Variants in PIGO observed in about 807,000 individuals in gnomAD.
PIGO encodes GPI ethanolamine phosphate transferase 3, catalytic subunit.
PIGO carries 66 observed loss-of-function variants against 86.9 expected under a neutral mutation model. The observed-to-expected ratio is 0.76, with a 90% CI of 0.62 to 0.93. The LOEUF (loss-of-function observed/expected upper bound fraction) is 0.93. Among genes scored for constraint, PIGO ranks in the 40% least tolerant of loss-of-function variants. The probability of loss-of-function intolerance (pLI) is 0.00; values close to 1 mark genes in which losing one functional copy is unlikely to be tolerated. For missense variants in PIGO, 1,202 were observed against 1,359.1 expected (o/e 0.88, Z 1.82); for synonymous variants, 570 against 556.4 (o/e 1.02, Z -0.34).
Position 35,091,244 on chromosome 9 carries a change from G to A in PIGO, c.2643C>T (p.Thr881=), listed in dbSNP as rs1393732949. 1 of 1,588,352 alleles carries A rather than the reference G, an allele frequency of 6.3e-7. No individual in the cohort carries two copies. Among genetic ancestry groups the A allele is most frequent in the Non-Finnish European group, 8.6e-7 (1 of 1,166,374 alleles). The change falls in exon 7 of 11, where the codon ACC becomes ACT. Residue 881 remains threonine (T), a synonymous_variant. Transcript: ENST00000378617. ...AATCAGAGCTGAGATATTTACCAGG[G>A]GTGGTGACGGGTATCCCAGCAGCAA... ...HLLAAGIPVT[T]PGPFTVPWQA...
At chr9:35,089,637 C>G (rs1300023903) in intron 9 of PIGO, 187 bp from the exon 10 acceptor site, 2 of 1,442,536 alleles carry the variant, frequency 1.4e-6, no homozygotes, top group African/African-American at 2.9e-5. Flanking sequence ...AGCACTGACT[C>G]ACTATGTGAC....
In PIGO at chr9:35,094,227, A is replaced by C; in HGVS notation, c.644T>G (p.Leu215Arg). ...GGCCCCATGCTCACTGGTGGGGTAGAGGTGTTCCAGGATGCCATTGTCCAC... is the reference window on the plus strand; with the variant it reads ...GGCCCCATGCTCACTGGTGGGGTAGCGGTGTTCCAGGATGCCATTGTCCAC... ...DTVDNGILEH[L>R]YPTMDSGEWD... The change falls in exon 3 of 11, where the codon CTC becomes CGC. Residue 215 changes from leucine (L) to arginine (R), a missense_variant. Physicochemically the swap from Leu to Arg is moderately radical, Grantham distance 102. Transcript: ENST00000378617. 6.3e-7 allele frequency: 1 copy of C among 1,598,408 alleles called. No homozygotes were observed. Among genetic ancestry groups the C allele is most frequent in the Non-Finnish European group, 8.5e-7 (1 of 1,176,046 alleles).
chr9:35,095,051 T>C lies in PIGO; in HGVS notation c.511+4A>G, dbSNP rs1829600808. On this transcript the variant is annotated splice_donor_region_variant and intron_variant, in intron 2 of 10. Coordinates refer to ENST00000378617, the MANE Select transcript of PIGO (RefSeq NM_032634.4). ...TTCTGGCCTTCAAAGTGGCCCACAC[T>C]GACCTGCACTGGTGAGCTGCTTAAT... 2 of 1,581,966 alleles carry C rather than the reference T, an allele frequency of 1.3e-6. No individual in the cohort carries two copies. Among genetic ancestry groups the C allele is most frequent in the Non-Finnish European group, 1.7e-6 (2 of 1,160,568 alleles).
In PIGO at chr9:35,091,853, C is replaced by T. The variant is rs1829437920; in HGVS notation, c.2034G>A (p.Val678=). 1 of 1,614,112 alleles carries T rather than the reference C, an allele frequency of 6.2e-7. No homozygotes were observed. ...LWYGACVAAL[V]ALLAAVRLWL... ...ACAAGCGCACGGCAGCTAACAGGGC[C>T]ACCAGCGCCGCCACACAAGCTCCAT... Residue 678 remains valine (V), a synonymous_variant, in exon 7 of 11, where the codon GTG becomes GTA. Coordinates refer to ENST00000378617, the MANE Select transcript of PIGO (RefSeq NM_032634.4).
rs201657672 is a variant in PIGO, at chr9:35,091,763, C to G, written c.2124G>C (p.Leu708=). Residue 708 remains leucine (L), a synonymous_variant, in exon 7 of 11, where the codon CTG becomes CTC. Transcript: ENST00000378617. ...CAGCAGTACCCAATGCCATTAGGGGCAGTCCCCAGCGCACAAAGAGCATGG... is the reference window on the plus strand; with the variant it reads ...CAGCAGTACCCAATGCCATTAGGGGGAGTCCCCAGCGCACAAAGAGCATGG... ...EPPMLFVRWG[L]PLMALGTAAY... 6.2e-7 allele frequency: 1 copy of G among 1,612,062 alleles called. No individual in the cohort carries two copies. The highest frequency in any genetic ancestry group is 1.3e-5 in the African/African-American group (1 of 75,068).
rs202109643 is a variant in PIGO at position 35,092,520 on chromosome 9, G to A, written c.1367C>T (p.Ala456Val). The A allele has an allele frequency of 8.7e-6, 14 of 1,614,194 alleles. No individual in the cohort carries two copies. Among genetic ancestry groups the A allele is most frequent in the African/African-American group, 2.7e-5 (2 of 75,076 alleles). Residue 456 changes from alanine (A) to valine (V), a missense_variant, in exon 7 of 11, where the codon GCT (alanine) becomes GTT (valine). Transcript: ENST00000378617. ...GATAAAGCAGGAAGCAGCCAAGAGA[G>A]CAGTACCCCCCGCCATGCGGACCAG... ...FSLVRMAGGT[A>V]LLAASCFICL... is the part of the protein sequence containing the mutation.
intron 3 of PIGO, 92 bp from the exon 4 acceptor site, chr9:35,094,116 G>A: frequency 1.3e-6 from 2 of 1,565,734 alleles, no homozygotes; most frequent in Admixed American, 1.9e-5. Flanking sequence ...AGGGATACAA[G>A]CCCAGGCTGT....
rs1337503752 is a variant in PIGO at position 35,091,843 on chromosome 9, C to A, written c.2044G>T (p.Ala682Ser). Reference protein sequence around the residue: ...ACVAALVALLAAVRLWLRRYG... With the variant: ...ACVAALVALLSAVRLWLRRYG... ...CGGCGAAGCCACAAGCGCACGGCAGCTAACAGGGCCACCAGCGCCGCCACA... is the reference window on the plus strand; with the variant it reads ...CGGCGAAGCCACAAGCGCACGGCAGATAACAGGGCCACCAGCGCCGCCACA... Residue 682 changes from alanine (A) to serine (S), a missense_variant, in exon 7 of 11, where the codon GCT (alanine) becomes TCT (serine). Coordinates refer to ENST00000378617, the MANE Select transcript of PIGO (RefSeq NM_032634.4). 1 of 1,614,046 alleles carries A rather than the reference C, an allele frequency of 6.2e-7. No individual in the cohort carries two copies. Among genetic ancestry groups the A allele is most frequent in the Non-Finnish European group, 8.5e-7 (1 of 1,180,046 alleles).
chr9:35,093,550 T>C lies in PIGO; in HGVS notation c.810A>G (p.Thr270=). 1 of 1,613,666 alleles carries C rather than the reference T, an allele frequency of 6.2e-7. No homozygotes were observed. Among genetic ancestry groups the C allele is most frequent in the Non-Finnish European group, 8.5e-7 (1 of 1,179,802 alleles). ...QGLVERLEND[T]LLVVAGDHGM... ...CATGGTCCCCAGCCACTACCAGCAG[T>C]GTGTCATTCTCCAGACGCTCCACAA... Residue 270 remains threonine (T), a synonymous_variant, in exon 5 of 11, where the codon ACA becomes ACG. Coordinates refer to ENST00000378617, the MANE Select transcript of PIGO (RefSeq NM_032634.4).
intron 8 of PIGO, 77 bp downstream of exon 8, chr9:35,090,389 C>T: frequency 6.5e-7 from 1 of 1,547,296 alleles, no homozygotes; most frequent in East Asian, 2.3e-5. Context: ...CATATCTCTC[C>T]ATTCAAATCC....
At position 35,091,671 on chromosome 9, in the gene PIGO, GC is replaced by G; in HGVS notation, c.2215del (p.Ala739HisfsTer9). 6.2e-7 allele frequency: 1 copy of G among 1,612,998 alleles called. No individual in the cohort carries two copies. The highest frequency in any genetic ancestry group is 8.5e-7 in the Non-Finnish European group (1 of 1,180,040). Reference sequence around the variant, plus strand: ...TACAGCCCGAGGCAGCACCATGGATGCCCCAGAGACCAGGACCCGGAGACGG... The same window carrying G: ...TACAGCCCGAGGCAGCACCATGGATGCCCAGAGACCAGGACCCGGAGACGG... ...PPRLRVLVSG[A>X]SMVLPRAVAG... On this transcript the variant is annotated frameshift_variant, in exon 7 of 11. Transcript: ENST00000378617. LOFTEE classifies it high-confidence loss of function.
At chr9:35,095,844 T>A in intron 1 of PIGO, 1 of 293,464 alleles carries the variant, frequency 3.4e-6, no homozygotes, top group South Asian at 5.4e-5. Flanking sequence ...CGAAACCCCG[T>A]CCCTACTAAA....
intron 4 of PIGO, 37 bp from the exon 5 acceptor site, chr9:35,093,617 T>A: frequency 6.4e-7 from 1 of 1,554,148 alleles, no homozygotes; most frequent in Non-Finnish European, 8.7e-7. Context: ...TAGAAACGGA[T>A]AAATATTTTT....
At chr9:35,090,810 C>G in intron 7 of PIGO, 138 bp from the exon 8 acceptor site, 2 of 801,492 alleles carry the variant, frequency 2.5e-6, no homozygotes, top group Non-Finnish European at 3.8e-6. Context: ...AACCTCCTTA[C>G]AGTCAACATT....
chr9:35,090,803 C>T lies in PIGO; in HGVS notation c.2648-131G>A, dbSNP rs918168587. The T allele has an allele frequency of 4.4e-5, 37 of 847,106 alleles. No individual in the cohort carries two copies. In the African/African-American group the frequency reaches 5.6e-4, roughly 13 times the overall value. The allele number at this position is 847,106 out of a possible 1,614,324, so 52.5% of individuals were successfully genotyped here. ...ACACTCAAATGCCTATCAGCCCAACCTCCTTACAGTCAACATTCTGTTATT... is the reference window on the plus strand; with the variant it reads ...ACACTCAAATGCCTATCAGCCCAACTTCCTTACAGTCAACATTCTGTTATT... On this transcript the variant is annotated intron_variant, in intron 7 of 10. Coordinates refer to ENST00000378617, the MANE Select transcript of PIGO (RefSeq NM_032634.4).
chr9:35,094,278 G>T lies in PIGO; in HGVS notation c.593C>A (p.Ser198Tyr), dbSNP rs1293504828. 6.2e-7 allele frequency: 1 copy of T among 1,608,064 alleles called. No homozygotes were observed. The highest frequency in any genetic ancestry group is 2.2e-5 in the East Asian group (1 of 44,852). Reference sequence around the variant, plus strand: ...TGTGTCTAGGTCTCTGACATTGAAGGATGGGAAGAAGAAAGCTTTGGAGAA... The same window carrying T: ...TGTGTCTAGGTCTCTGACATTGAAGTATGGGAAGAAGAAAGCTTTGGAGAA... ...GAFSKAFFFP[S>Y]FNVRDLDTVD... is the part of the protein sequence containing the mutation. Residue 198 changes from serine to tyrosine, a missense_variant, in exon 3 of 11, where the codon TCC (serine) becomes TAC (tyrosine). Physicochemically the swap from Ser to Tyr is moderately radical, Grantham distance 144. Transcript: ENST00000378617.
chr9:35,095,599 T>C, intron 1 of PIGO, 33 bp from the exon 2 acceptor site: 3 of 1,492,986 alleles, frequency 2.0e-6, no homozygotes, highest in Non-Finnish European at 2.7e-6. Flanking sequence ...TTCATTACTG[T>C]GGGGCAAAGA....
Position 35,093,410 on chromosome 9 carries a change from C to T in PIGO, c.939+11G>A. 1 of 1,613,960 alleles carries T rather than the reference C, an allele frequency of 6.2e-7. No individual in the cohort carries two copies. Among genetic ancestry groups the T allele is most frequent in the Non-Finnish European group, 8.5e-7 (1 of 1,179,950 alleles). ...ACTGGGAGAACAGATGAGGAACATCCCAGGCCTCACCTCTGGTGGGGTGCT... is the reference window on the plus strand; with the variant it reads ...ACTGGGAGAACAGATGAGGAACATCTCAGGCCTCACCTCTGGTGGGGTGCT... On this transcript the variant is annotated intron_variant, in intron 5 of 10. Coordinates refer to ENST00000378617, the MANE Select transcript of PIGO (RefSeq NM_032634.4).
chr9:35,092,705 A>AT lies in PIGO; in HGVS notation c.1181dup (p.His394GlnfsTer13), dbSNP rs749273238. ...CCTTGGAGAAGAGGTTCTGCAGCTG[A>AT]TGAAGCTCCTTAGCTTGAAGGTCCT... On this transcript the variant is annotated frameshift_variant, in exon 7 of 11. Coordinates refer to ENST00000378617, the MANE Select transcript of PIGO (RefSeq NM_032634.4). LOFTEE classifies it high-confidence loss of function. 6.2e-7 allele frequency: 1 copy of AT among 1,614,022 alleles called. No homozygotes were observed. Among genetic ancestry groups the AT allele is most frequent in the Admixed American group, 1.7e-5 (1 of 60,008 alleles).
Sources: allele counts gnomAD v4.1 joint callset, GRCh38; gene constraint gnomAD v4.1.1; transcripts MANE v1.5; gene names NCBI Gene and HGNC (gene_info 2026-07-23, HGNC 2026-07-21).